PLCG2: variants seen among roughly 807,000 people sequenced by gnomAD.
PLCG2 encodes phospholipase C gamma 2, also known as 1-phosphatidylinositol 4,5-bisphosphate phosphodiesterase gamma-2.
A neutral mutation model predicts 175.6 loss-of-function variants in PLCG2; 69 were observed. The ratio of observed to expected loss-of-function variants is 0.39; its 90% CI spans 0.32 to 0.48. PLCG2 has a LOEUF of 0.48. Ranked by LOEUF, PLCG2 falls within the 20% of genes least tolerant of loss-of-function variation. The pLI is 0.91. For synonymous variants in PLCG2, 827 were observed against 624.0 expected (o/e 1.33, Z -4.85); for missense variants, 1,798 against 1,650.9 (o/e 1.09, Z -1.54).
intron 1 of PLCG2, among the ~76,000 whole-genome samples, chr16:81,784,439 C>T (rs968084353): frequency 1.3e-5 from 2 of 152,212 alleles, no homozygotes; most frequent in African/African-American, 2.4e-5. Flanking sequence ...TTTAGAGCAG[C>T]TTGGCAGAAG....
intron 1 of PLCG2, among the ~76,000 whole-genome samples, chr16:81,741,162 C>T (rs557677186): frequency 6.6e-6 from 1 of 152,016 alleles, no homozygotes; most frequent in African/African-American, 2.4e-5. Context: ...GAGGTGGGTC[C>T]TCCAGGTCTG....
At chr16:81,934,587 T>C (rs761292972) in intron 26 of PLCG2, 56 bp downstream of exon 26, 12 of 1,019,158 alleles carry the variant, frequency 1.2e-5, no homozygotes, top group Non-Finnish European at 1.7e-5. Context: ...TAACTTCCTT[T>C]AGAGTCTGAT....
rs116254974 is a variant in PLCG2 at position 81,867,469 on chromosome 16, G to A, written c.480-1745G>A. On this transcript the variant is annotated intron_variant, in intron 5 of 32. Coordinates refer to ENST00000564138, the MANE Select transcript of PLCG2 (RefSeq NM_002661.5). ...GGAGTTTGAGGCTAGCACAGATAAG[G>A]TACCAAACTGATCGGTGCCTCAGTT... Among the ~76,000 whole-genome samples, 1,435 of 152,242 alleles carry A rather than the reference G, an allele frequency of 9.4e-3. 25 individuals are homozygous for A. The highest frequency in any genetic ancestry group is 0.032 in the African/African-American group (1,326 of 41,544).
chr16:81,913,227 G>C (rs1270787716), intron 19 of PLCG2, among the ~76,000 whole-genome samples: 1 of 152,192 alleles, frequency 6.6e-6, no homozygotes, highest in Admixed American at 6.5e-5. Flanking sequence ...GAGCCGAGGA[G>C]TGACTCAGAC....
intron 11 of PLCG2, among the ~76,000 whole-genome samples, chr16:81,893,061 A>G (rs559544781): frequency 3.3e-5 from 5 of 152,038 alleles, no homozygotes; most frequent in African/African-American, 7.3e-5. Flanking sequence ...GAATTTCACT[A>G]TGTTGGCCAG....
At chr16:81,768,552 G>GTTTTTTTTTT (rs769292122) in intron 2 of PLCG2, among the ~76,000 whole-genome samples, 1 of 105,424 alleles carries the variant, frequency 9.5e-6, no homozygotes, top group African/African-American at 4.1e-5. Context: ...GTTATCCTCA[G>GTTTTTTTTTT]TTTTTTTTTT....
At position 81,956,888 on chromosome 16, in the gene PLCG2, G is replaced by C; in HGVS notation, c.3755+9G>C. On this transcript the variant is annotated intron_variant, in intron 32 of 32. Transcript: ENST00000564138. Reference sequence around the variant, plus strand: ...GAGAAATGCAACAAGAGGTAGGTCAGCCCCTCCACCTGCAAAAACTTTTGG... The same window carrying C: ...GAGAAATGCAACAAGAGGTAGGTCACCCCCTCCACCTGCAAAAACTTTTGG... The C allele has an allele frequency of 6.2e-7, 1 of 1,610,046 alleles. No homozygotes were observed. The highest frequency in any genetic ancestry group is 8.5e-7 in the Non-Finnish European group (1 of 1,176,870).
intron 2 of PLCG2, among the ~76,000 whole-genome samples, chr16:81,773,731 A>G (rs546048794): frequency 6.6e-6 from 1 of 152,124 alleles, no homozygotes; most frequent in African/African-American, 2.4e-5. Flanking sequence ...GGACTTGGAT[A>G]TGCGTTCGCA....
At chr16:81,811,895 T>C (rs946879945) in intron 2 of PLCG2, among the ~76,000 whole-genome samples, 2 of 152,176 alleles carry the variant, frequency 1.3e-5, no homozygotes, top group African/African-American at 4.8e-5. Flanking sequence ...AGTAATAGGA[T>C]TGCTGGATCA....
In PLCG2 at chr16:81,905,459, C is replaced by T. The variant is rs372678135; in HGVS notation, c.1419C>T (p.Asp473=). ...ATGTCAACATGGAGGACAAGAAGGA[C>T]GAACACAAGCAACAGGGGGAGCTGT... The part of the protein sequence containing the change: ...DVDVNMEDKK[D]EHKQQGELYM... Residue 473 remains aspartate (D), a synonymous_variant, in exon 15 of 33, where the codon GAC becomes GAT. Coordinates refer to ENST00000564138, the MANE Select transcript of PLCG2 (RefSeq NM_002661.5). 284 of 1,614,030 alleles carry T rather than the reference C, an allele frequency of 1.8e-4. No homozygotes were observed. The highest frequency in any genetic ancestry group is 1.2e-3 in the Middle Eastern group (7 of 6,084).
intron 22 of PLCG2, among the ~76,000 whole-genome samples, chr16:81,924,573 T>C (rs1007377799): frequency 1.3e-5 from 2 of 152,226 alleles, no homozygotes; most frequent in African/African-American, 4.8e-5. Context: ...GCCTTTTGAC[T>C]CCAGAGCTTA....
intron 2 of PLCG2, among the ~76,000 whole-genome samples, chr16:81,768,243 A>G (rs566036828): frequency 3.9e-5 from 6 of 152,320 alleles, no homozygotes; most frequent in Admixed American, 2.0e-4. Context: ...GTGTGTATCA[A>G]TAATTACTTT....
chr16:81,752,210 T>C (rs1909826492), intron 1 of PLCG2, among the ~76,000 whole-genome samples: 1 of 152,110 alleles, frequency 6.6e-6, no homozygotes, highest in Non-Finnish European at 1.5e-5. Flanking sequence ...AGTTCCCTGA[T>C]GCTGGAAGCC....
At chr16:81,883,213 C>G (rs1001926372) in intron 8 of PLCG2, 56 bp from the exon 9 acceptor site, 1 of 1,513,916 alleles carries the variant, frequency 6.6e-7, no homozygotes, top group Non-Finnish European at 9.2e-7. Flanking sequence ...CATCTCCTCT[C>G]GACTCCTCTG....
At chr16:81,907,141 T>TA (rs1457072105) in intron 15 of PLCG2, among the ~76,000 whole-genome samples, 2 of 148,106 alleles carry the variant, frequency 1.4e-5, no homozygotes, top group Non-Finnish European at 1.5e-5. Context: ...TAAAGTATAA[T>TA]AAAAAAATAC....
chr16:81,880,983 C>G, intron 8 of PLCG2, 30 bp downstream of exon 8: 1 of 1,610,372 alleles, frequency 6.2e-7, no homozygotes, highest in Non-Finnish European at 8.5e-7. Context: ...TCGTTCGGGG[C>G]GGCTGTGCCG....
chr16:81,809,505 C>T (rs535421201), intron 2 of PLCG2, among the ~76,000 whole-genome samples: 9 of 152,300 alleles, frequency 5.9e-5, no homozygotes, highest in Admixed American at 2.6e-4. Context: ...ACCCCATTCC[C>T]CTTGCAGTGA....
At chr16:81,864,777 G>T (rs12102535) in intron 5 of PLCG2, among the ~76,000 whole-genome samples, 1 of 152,044 alleles carries the variant, frequency 6.6e-6, no homozygotes, top group East Asian at 1.9e-4. Flanking sequence ...CATCCTTAAT[G>T]GTTTGGTGAT....
intron 1 of PLCG2, among the ~76,000 whole-genome samples, chr16:81,785,123 C>A (rs1165130143): frequency 6.6e-6 from 1 of 152,062 alleles, no homozygotes; most frequent in Admixed American, 6.5e-5. Context: ...GGGTGAGATG[C>A]GTTGGAAGTG....
Sources: allele counts gnomAD v4.1 joint callset (sites outside exome capture counted in the v4.1 genomes callset), GRCh38; gene constraint gnomAD v4.1.1; transcripts MANE v1.5; gene names NCBI Gene and HGNC (gene_info 2026-07-23, HGNC 2026-07-21).